Variants in ATRNL1 observed in about 807,000 individuals in gnomAD.
ATRNL1 encodes the protein attractin like 1, also known as attractin-like protein 1.
Under a neutral mutation model 182.7 loss-of-function variants are expected in ATRNL1, and 95 were observed. That is an observed-to-expected ratio of 0.52 (90% confidence interval 0.44 to 0.62). The LOEUF (loss-of-function observed/expected upper bound fraction) is 0.62. Ranked by LOEUF, ATRNL1 falls within the 20% of genes least tolerant of loss-of-function variation. The pLI is 0.00. For missense variants in ATRNL1, 1,471 were observed against 1,679.5 expected (o/e 0.88, Z 2.17); for synonymous variants, 576 against 568.3 (o/e 1.01, Z -0.19).
chr10:115,876,935 A>G (rs1555107379), intron 28 of ATRNL1, among the ~76,000 whole-genome samples: 1 of 152,170 alleles, frequency 6.6e-6, no homozygotes, highest in African/African-American at 2.4e-5. Context: ...ATTTATCTAG[A>G]ATGGTTTTCC....
chr10:115,668,524 C>T (rs1044266251), intron 26 of ATRNL1, among the ~76,000 whole-genome samples: 1 of 152,108 alleles, frequency 6.6e-6, no homozygotes, highest in Non-Finnish European at 1.5e-5. Context: ...TTAAGTTTAA[C>T]TAACATATCT....
At chr10:115,320,785 A>G (rs892852420) in intron 18 of ATRNL1, among the ~76,000 whole-genome samples, 1 of 151,924 alleles carries the variant, frequency 6.6e-6, no homozygotes, top group Non-Finnish European at 1.5e-5. Flanking sequence ...TCTAGTTAGC[A>G]GCTCCTCTAA....
chr10:115,707,011 A>C (rs1224312001), intron 26 of ATRNL1, among the ~76,000 whole-genome samples: 1 of 151,864 alleles, frequency 6.6e-6, no homozygotes, highest in Non-Finnish European at 1.5e-5. Context: ...ATTAATTATT[A>C]ATCTCAATTT....
At chr10:115,371,612 C>T (rs571295013) in intron 19 of ATRNL1, among the ~76,000 whole-genome samples, 1 of 152,300 alleles carries the variant, frequency 6.6e-6, no homozygotes, top group Non-Finnish European at 1.5e-5. Flanking sequence ...ACTATATTTA[C>T]CGAATGCCTG....
chr10:115,897,375 A>G (rs1555112746), intron 28 of ATRNL1, among the ~76,000 whole-genome samples: 1 of 152,202 alleles, frequency 6.6e-6, no homozygotes, highest in African/African-American at 2.4e-5. Context: ...AAGGTACTTT[A>G]TCTAGCAACC....
chr10:115,771,446 G>T (rs1555076366), intron 27 of ATRNL1, among the ~76,000 whole-genome samples: 1 of 152,052 alleles, frequency 6.6e-6, no homozygotes, highest in East Asian at 1.9e-4. Context: ...TAGCCAGGAT[G>T]GTCTCAATCT....
intron 19 of ATRNL1, among the ~76,000 whole-genome samples, chr10:115,354,761 C>A (rs782020499): frequency 6.6e-6 from 1 of 151,968 alleles, no homozygotes; most frequent in Non-Finnish European, 1.5e-5. Context: ...TTATTACTTT[C>A]TTTGAATAAA....
chr10:115,533,877 G>A (rs1851776302), intron 25 of ATRNL1, among the ~76,000 whole-genome samples: 1 of 150,712 alleles, frequency 6.6e-6, no homozygotes, highest in South Asian at 2.1e-4. Flanking sequence ...TAGTCATTCA[G>A]GAGCAGGTTG....
Position 115,093,775 on chromosome 10 carries a change from A to C in ATRNL1, c.25A>C (p.Thr9Pro). 7.0e-7 allele frequency: 1 copy of C among 1,423,196 alleles called. No individual in the cohort carries two copies. Among genetic ancestry groups the C allele is most frequent in the African/African-American group, 1.5e-5 (1 of 66,146 alleles). The allele number at this position is 1,423,196 out of a possible 1,614,324, so 88.2% of individuals were successfully genotyped here. Residue 9 changes from threonine (T) to proline (P), a missense_variant, in exon 1 of 29, where the codon ACT (threonine) becomes CCT (proline). By Grantham distance (38) the Thr-to-Pro change is conservative. Coordinates refer to ENST00000355044, the MANE Select transcript of ATRNL1 (RefSeq NM_207303.4). The surrounding 1 kb of genome is among the most constrained non-coding windows in gnomAD (Gnocchi z 6.1). ...GATGGAGACTGGGGGCCGGGCCCGC[A>C]CTGGTACCCCGCAGCCAGCGGCCCC... is the stretch of plus-strand genomic sequence containing the variant. METGGRAR[T>P]GTPQPAAPGV...
intron 24 of ATRNL1, among the ~76,000 whole-genome samples, chr10:115,506,955 G>C (rs1554981487): frequency 6.6e-6 from 1 of 152,094 alleles, no homozygotes; most frequent in African/African-American, 2.4e-5. Flanking sequence ...ACAGCCTCAG[G>C]AAGTTTTGAT....
intron 8 of ATRNL1, among the ~76,000 whole-genome samples, chr10:115,195,371 A>G (rs1480036619): frequency 3.3e-5 from 5 of 152,066 alleles, no homozygotes; most frequent in East Asian, 1.9e-4. Context: ...TTTGCTGGAT[A>G]TATATAACTT....
At chr10:115,740,576 G>A (rs1332215814) in intron 27 of ATRNL1, among the ~76,000 whole-genome samples, 1 of 152,022 alleles carries the variant, frequency 6.6e-6, no homozygotes, top group Non-Finnish European at 1.5e-5. Flanking sequence ...CACAATCTTG[G>A]CTCACTGCAA....
intron 11 of ATRNL1, among the ~76,000 whole-genome samples, chr10:115,265,999 A>G (rs1463168710): frequency 6.6e-6 from 1 of 151,814 alleles, no homozygotes; most frequent in African/African-American, 2.4e-5. Context: ...GAAACTGTGT[A>G]ACTGATATCA....
intron 26 of ATRNL1, among the ~76,000 whole-genome samples, chr10:115,601,097 G>A (rs1555015809): frequency 6.6e-6 from 1 of 151,730 alleles, no homozygotes. Context: ...TTCAAAATAA[G>A]TTATATTTGC....
At chr10:115,182,094 G>A (rs1208747407) in intron 8 of ATRNL1, among the ~76,000 whole-genome samples, 1 of 151,366 alleles carries the variant, frequency 6.6e-6, no homozygotes, top group Non-Finnish European at 1.5e-5. Flanking sequence ...TTTTTATTAT[G>A]TTTATATGCC....
chr10:115,401,875 A>G (rs1844580660), intron 20 of ATRNL1, among the ~76,000 whole-genome samples: 1 of 152,182 alleles, frequency 6.6e-6, no homozygotes, highest in African/African-American at 2.4e-5. Context: ...TTATAGCACT[A>G]TGAAATTTTA....
intron 1 of ATRNL1, among the ~76,000 whole-genome samples, chr10:115,096,198 C>G (rs1554863078): frequency 6.6e-6 from 1 of 152,170 alleles, no homozygotes; most frequent in South Asian, 2.1e-4. Context: ...CTATTATTTC[C>G]TAGGACTCAT....
At chr10:115,698,005 AGAGT>A (rs1290028311) in intron 26 of ATRNL1, among the ~76,000 whole-genome samples, 1 of 152,210 alleles carries the variant, frequency 6.6e-6, no homozygotes, top group Non-Finnish European at 1.5e-5. Flanking sequence ...AATGCCAGAT[AGAGT>A]ATTTTGATTT....
At chr10:115,224,548 A>G (rs10885675) in intron 9 of ATRNL1, among the ~76,000 whole-genome samples, 33,455 of 151,964 alleles carry the variant, frequency 0.22, 4,702 homozygotes, top group Non-Finnish European at 0.31. Flanking sequence ...AAGCCACCAA[A>G]ACTCGACAAA....
Sources: allele counts gnomAD v4.1 joint callset (sites outside exome capture counted in the v4.1 genomes callset), GRCh38; gene constraint gnomAD v4.1.1; non-coding constraint Gnocchi (gnomAD v3.1); transcripts MANE v1.5; gene names NCBI Gene and HGNC (gene_info 2026-07-23, HGNC 2026-07-21).